The following CD109 variants were observed in gnomAD, a reference collection of about 807,000 sequenced individuals.
CD109 encodes the protein CD109 molecule.
CD109 carries 149 observed loss-of-function variants against 165.8 expected under a neutral mutation model. The ratio of observed to expected loss-of-function variants is 0.90; its 90% confidence interval spans 0.79 to 1.03. The LOEUF (loss-of-function observed/expected upper bound fraction) is 1.03, where lower values mean the gene tolerates loss of function less well. Ranked by LOEUF, CD109 falls within the 50% of genes least tolerant of loss-of-function variation. The pLI, the probability that CD109 is intolerant of heterozygous loss-of-function variation, is 0.00. For synonymous variants in CD109, 585 were observed against 592.1 expected (o/e 0.99, Z 0.18); for missense variants, 1,712 against 1,677.8 (o/e 1.02, Z -0.36).
rs1044702086 is a variant in CD109 at position 73,771,480 on chromosome 6, C to T, written c.1726C>T (p.Leu576Phe). 1.2e-6 allele frequency: 2 copies of T among 1,610,322 alleles called. No individual in the cohort carries two copies. Among genetic ancestry groups the T allele is most frequent in the Non-Finnish European group, 1.7e-6 (2 of 1,178,618 alleles). The change falls in exon 15 of 33, where the codon CTT becomes TTT. Residue 576 changes from leucine to phenylalanine, a missense_variant. By Grantham distance (22) the Leu-to-Phe change is conservative. Coordinates refer to ENST00000287097, the MANE Select transcript of CD109 (RefSeq NM_133493.5). ...AGCTGAACCATCTGAGAAAGTCTCT[C>T]TTAGGATCTCTGTGACACAGCCTGA... ...VKAEPSEKVSLRISVTQPDSI... is the reference protein window; with the variant it reads ...VKAEPSEKVSFRISVTQPDSI...
chr6:73,801,229 C>T (rs934281254), intron 23 of CD109, among the ~76,000 whole-genome samples: 2 of 152,216 alleles, frequency 1.3e-5, no homozygotes, highest in African/African-American at 4.8e-5. Context: ...TGACCATGCA[C>T]ATGGTATCTG....
chr6:73,762,532 T>C (rs1773675404), intron 8 of CD109, 52 bp downstream of exon 8: 1 of 1,244,100 alleles, frequency 8.0e-7, no homozygotes, highest in Non-Finnish European at 1.2e-6. Flanking sequence ...ATGTGTATTT[T>C]TCTAGAAATA....
At chr6:73,701,360 C>T (rs559150881) in intron 2 of CD109, among the ~76,000 whole-genome samples, 16 of 152,180 alleles carry the variant, frequency 1.1e-4, no homozygotes, top group East Asian at 3.9e-4. Flanking sequence ...ACTGGCAAAA[C>T]GTAGTAAAAG....
intron 30 of CD109, 115 bp from the exon 31 acceptor site, chr6:73,818,273 C>G (rs1053147379): frequency 2.9e-6 from 3 of 1,051,892 alleles, no homozygotes; most frequent in African/African-American, 1.6e-5. Flanking sequence ...TTTATTTGAA[C>G]TCAAACAGTG....
In CD109 at chr6:73,696,221, G is replaced by A. The variant is rs1770823023; in HGVS notation, c.6G>A (p.Gln2=). 5 of 1,545,904 alleles carry A rather than the reference G, an allele frequency of 3.2e-6. No individual in the cohort carries two copies. The highest frequency in any genetic ancestry group is 4.3e-6 in the Non-Finnish European group (5 of 1,149,816). Residue 2 remains glutamine (Q), a synonymous_variant, in exon 1 of 33, where the codon CAG becomes CAA. Transcript: ENST00000287097. ...CCCAGGCAGACGCCGTCGAGATGCAGGGCCCACCGCTCCTGACCGCCGCCC... is the reference window on the plus strand; with the variant it reads ...CCCAGGCAGACGCCGTCGAGATGCAAGGCCCACCGCTCCTGACCGCCGCCC... M[Q]GPPLLTAAHL...
intron 22 of CD109, among the ~76,000 whole-genome samples, chr6:73,791,198 T>TATATATATACACATACAC (rs1562071152): frequency 9.6e-6 from 1 of 103,824 alleles, no homozygotes; most frequent in Non-Finnish European, 1.7e-5. Context: ...CATACATATA[T>TATATATATACACATACAC]ATATATATAT....
In CD109 at chr6:73,696,245, C is replaced by A; in HGVS notation, c.30C>A (p.Ala10=). The change falls in exon 1 of 33, where the codon GCC becomes GCA. Residue 10 remains alanine (A), a synonymous_variant. Coordinates refer to ENST00000287097, the MANE Select transcript of CD109 (RefSeq NM_133493.5). The part of the protein sequence containing the change: MQGPPLLTA[A]HLLCVCTAAL... ...AGGGCCCACCGCTCCTGACCGCCGC[C>A]CACCTCCTCTGCGTGTGCACCGCCG... 1 of 1,543,120 alleles carries A rather than the reference C, an allele frequency of 6.5e-7. No individual in the cohort carries two copies.
chr6:73,815,711 T>C (rs1227735657), intron 30 of CD109, among the ~76,000 whole-genome samples: 1 of 152,150 alleles, frequency 6.6e-6, no homozygotes, highest in African/African-American at 2.4e-5. Context: ...ATCTTGTTAA[T>C]AAGGAAAAAG....
intron 5 of CD109, among the ~76,000 whole-genome samples, chr6:73,743,635 T>C (rs1417191238): frequency 6.6e-6 from 1 of 152,202 alleles, no homozygotes; most frequent in Admixed American, 6.5e-5. Flanking sequence ...GTTTTTCTTT[T>C]GCAAAAGAGC....
At chr6:73,771,703 A>G in intron 15 of CD109, 122 bp downstream of exon 15, 5 of 583,626 alleles carry the variant, frequency 8.6e-6, no homozygotes. Flanking sequence ...TAAGTCAATA[A>G]TTAGTAAAGC....
chr6:73,714,177 G>A (rs1013315355), intron 2 of CD109, among the ~76,000 whole-genome samples: 5 of 152,118 alleles, frequency 3.3e-5, no homozygotes, highest in African/African-American at 1.2e-4. Flanking sequence ...GTGTTTTAGG[G>A]CCCAGATCGC....
chr6:73,695,635 C>A (rs1453847973), upstream of CD109: 1 of 152,130 alleles, frequency 6.6e-6, no homozygotes. Flanking sequence ...TTTTCTGTTT[C>A]CATTCATATA....
intron 15 of CD109, among the ~76,000 whole-genome samples, chr6:73,774,489 T>C (rs777988871): frequency 1.3e-5 from 2 of 152,094 alleles, no homozygotes; most frequent in African/African-American, 2.4e-5. Flanking sequence ...CCCTGAGGGT[T>C]TGGAGGAGGA....
Position 73,811,102 on chromosome 6 carries a change from G to A in CD109, c.3657G>A (p.Lys1219=). Reference sequence around the variant, plus strand: ...GGCCTAGCTCACCAAGTCCTGTAAAGTTTCTGATTGACACACACAACCGCT... The same window carrying A: ...GGCCTAGCTCACCAAGTCCTGTAAAATTTCTGATTGACACACACAACCGCT... ...VTGPSSPSPV[K]FLIDTHNRLL... is the part of the protein sequence containing the mutation. Residue 1219 remains lysine, a synonymous_variant, in exon 28 of 33, where the codon AAG becomes AAA. Coordinates refer to ENST00000287097, the MANE Select transcript of CD109 (RefSeq NM_133493.5). 6.2e-7 allele frequency: 1 copy of A among 1,613,318 alleles called. No individual in the cohort carries two copies. The highest frequency in any genetic ancestry group is 1.1e-5 in the South Asian group (1 of 91,034).
rs1315661082 is a variant in CD109, at chr6:73,730,463, C to T, written c.396C>T (p.Phe132=). 2 of 1,612,962 alleles carry T rather than the reference C, an allele frequency of 1.2e-6. No individual in the cohort carries two copies. The highest frequency in any genetic ancestry group is 1.7e-6 in the Non-Finnish European group (2 of 1,178,942). ...TTGAGACCAAGAGAATATCTGTCTT[C>T]ATTCAAACAGACAAGGCCTTATACA... is the stretch of plus-strand genomic sequence containing the variant. The part of the protein sequence containing the change: ...LSFETKRISV[F]IQTDKALYKP... Residue 132 remains phenylalanine, a synonymous_variant, in exon 4 of 33, where the codon TTC becomes TTT. Coordinates refer to ENST00000287097, the MANE Select transcript of CD109 (RefSeq NM_133493.5).
intron 20 of CD109, among the ~76,000 whole-genome samples, chr6:73,786,592 C>T (rs141211081): frequency 2.2e-4 from 34 of 151,984 alleles, no homozygotes; most frequent in African/African-American, 8.0e-4. Context: ...GTTTCCTCAT[C>T]TGTAAAATGG....
chr6:73,767,673 A>G (rs1352458110), intron 13 of CD109, among the ~76,000 whole-genome samples: 3 of 152,174 alleles, frequency 2.0e-5, no homozygotes, highest in Admixed American at 6.6e-5. Context: ...TTAAATTTCT[A>G]TTTGATAAGC....
intron 5 of CD109, among the ~76,000 whole-genome samples, chr6:73,739,311 A>G (rs1486208665): frequency 6.6e-6 from 1 of 152,214 alleles, no homozygotes; most frequent in East Asian, 1.9e-4. Flanking sequence ...CAGTATAACC[A>G]AGGAAATGTT....
intron 5 of CD109, among the ~76,000 whole-genome samples, chr6:73,751,745 GAGGGCCA>G (rs2150208415): frequency 6.6e-6 from 1 of 152,306 alleles, no homozygotes; most frequent in African/African-American, 2.4e-5. Flanking sequence ...GGCTTGAAAT[GAGGGCCA>G]AGCAACTCTA....
Sources: gnomAD v4.1 joint callset for allele counts (sites outside exome capture counted in the v4.1 genomes callset) on GRCh38, gnomAD v4.1.1 for gene constraint, MANE v1.5 for transcripts, NCBI Gene and HGNC (gene_info 2026-07-23, HGNC 2026-07-21) for gene names.